MAMLD1: variants seen among roughly 807,000 people sequenced by gnomAD.
MAMLD1 encodes mastermind like domain containing 1.
In MAMLD1, 14 loss-of-function variants were observed where a neutral mutation model predicts 45.0. The ratio of observed to expected loss-of-function variants is 0.31; its 90% CI spans 0.21 to 0.49. The LOEUF is 0.49. MAMLD1 is among the 20% of genes least tolerant of loss of function. MAMLD1 has a pLI of 0.99. For missense variants in MAMLD1, 543 were observed against 603.6 expected (o/e 0.90, Z 1.05); for synonymous variants, 254 against 247.8 (o/e 1.02, Z -0.24).
At chrX:150,403,987 A>AGAAG (rs2033925189) in intron 1 of MAMLD1, among the ~76,000 whole-genome samples, 1 of 96,803 alleles carries the variant, frequency 1.0e-5, no homozygotes, top group Non-Finnish European at 2.1e-5. Context: ...AAAGAAAGAA[A>AGAAG]GAAAGAAAGA....
intron 1 of MAMLD1, among the ~76,000 whole-genome samples, chrX:150,392,311 G>A (rs1557402192): frequency 1.8e-5 from 2 of 111,691 alleles, no homozygotes; most frequent in East Asian, 5.6e-4. Context: ...GTGGAAAATG[G>A]ACTGCTGGCC....
At chrX:150,389,151 A>T (rs7877852) in intron 1 of MAMLD1, among the ~76,000 whole-genome samples, 21,360 of 109,759 alleles carry the variant, frequency 0.19, 1,583 homozygotes, top group Non-Finnish European at 0.22. Context: ...GGTTCAAGTG[A>T]TTCTCATGCT....
intron 1 of MAMLD1, among the ~76,000 whole-genome samples, chrX:150,366,046 TAG>T (rs1480926115): frequency 8.9e-6 from 1 of 111,930 alleles, no homozygotes; most frequent in Admixed American, 9.4e-5. Context: ...GTGTCTCTCA[TAG>T]AGTTTGTTCG....
chrX:150,457,612 C>T (rs782232421), intron 2 of MAMLD1, among the ~76,000 whole-genome samples: 5 of 112,403 alleles, frequency 4.4e-5, no homozygotes, highest in South Asian at 3.7e-4. Context: ...AAGTGTGGCA[C>T]GTCCACACAA....
chrX:150,376,184 C>T (rs192970194), intron 1 of MAMLD1, among the ~76,000 whole-genome samples: 78 of 112,210 alleles, frequency 7.0e-4, no homozygotes, highest in African/African-American at 2.5e-3. Flanking sequence ...GCAAGTTAAA[C>T]TCTAAGTTAC....
intron 1 of MAMLD1, among the ~76,000 whole-genome samples, chrX:150,411,545 T>C (rs1425025981): frequency 8.0e-5 from 9 of 112,285 alleles, no homozygotes; most frequent in Admixed American, 1.9e-4. Flanking sequence ...CAGCCTTTGG[T>C]ATGCACAATG....
intron 5 of MAMLD1, among the ~76,000 whole-genome samples, chrX:150,482,870 T>G (rs1183866360): frequency 1.8e-5 from 2 of 112,235 alleles, no homozygotes; most frequent in Non-Finnish European, 3.8e-5. Flanking sequence ...AACAAAGAAG[T>G]GACTGTAAAC....
intron 1 of MAMLD1, among the ~76,000 whole-genome samples, chrX:150,428,652 C>G (rs479883): frequency 0.46 from 50,584 of 111,007 alleles, 9,249 homozygotes; most frequent in East Asian, 0.77. Context: ...TTGGATTCAT[C>G]TAGAGGGAAA....
chrX:150,365,049 G>T (rs781974416), intron 1 of MAMLD1, among the ~76,000 whole-genome samples: 6 of 112,132 alleles, frequency 5.4e-5, no homozygotes, highest in Admixed American at 1.8e-4. Context: ...TGGAGGCCGC[G>T]CAGCTTCTTT....
intron 1 of MAMLD1, among the ~76,000 whole-genome samples, chrX:150,372,207 A>C (rs930853511): frequency 8.9e-6 from 1 of 112,224 alleles, no homozygotes; most frequent in Admixed American, 9.4e-5. Context: ...TAGAATCTGA[A>C]CTCGAAGTCT....
chrX:150,490,924 G>A (rs184571109), intron 5 of MAMLD1, among the ~76,000 whole-genome samples: 151 of 111,691 alleles, frequency 1.4e-3, no homozygotes, highest in African/African-American at 4.4e-3. Flanking sequence ...ACAGAGTAAA[G>A]GACAAAAAAT....
chrX:150,395,930 C>A (rs1690396519), intron 1 of MAMLD1, among the ~76,000 whole-genome samples: 1 of 108,631 alleles, frequency 9.2e-6, no homozygotes, highest in South Asian at 3.9e-4. Flanking sequence ...AATTTCTGCT[C>A]TAATTTGTAT....
intron 2 of MAMLD1, among the ~76,000 whole-genome samples, chrX:150,449,906 C>T (rs2035608014): frequency 8.9e-6 from 1 of 111,963 alleles, no homozygotes; most frequent in South Asian, 3.8e-4. Context: ...CACATTCGCT[C>T]ATTTGCTTCT....
intron 5 of MAMLD1, among the ~76,000 whole-genome samples, chrX:150,475,673 A>G (rs782704679): frequency 8.9e-6 from 1 of 112,338 alleles, no homozygotes; most frequent in Non-Finnish European, 1.9e-5. Context: ...CTGGCTACAG[A>G]TGCTGACTGA....
At position 150,470,695 on chromosome X, in the gene MAMLD1, C is replaced by G. The variant is rs1204319197; in HGVS notation, c.1122C>G (p.Thr374=). The G allele has an allele frequency of 8.3e-7, 1 of 1,210,356 alleles. No individual in the cohort carries two copies. Among genetic ancestry groups the G allele is most frequent in the African/African-American group, 1.7e-5 (1 of 57,230 alleles). The part of the protein sequence containing the change: ...SLMVSCMSSN[T]LSGSTLRGSP... ...TGGTGTCCTGCATGTCGTCCAATAC[C>G]TTGTCGGGTAGCACTCTCCGAGGCT... is the stretch of plus-strand genomic sequence containing the variant. The change falls in exon 4 of 8, where the codon ACC becomes ACG. Residue 374 remains threonine, a synonymous_variant. Transcript: ENST00000370401.
At chrX:150,371,633 G>A (rs1369236548) in intron 1 of MAMLD1, among the ~76,000 whole-genome samples, 1 of 111,897 alleles carries the variant, frequency 8.9e-6, no homozygotes, top group African/African-American at 3.3e-5. Context: ...CCAAGTTCTT[G>A]GTCCAATTGT....
intron 6 of MAMLD1, chrX:150,504,816 T>C (rs782355673): frequency 1.3e-6 from 1 of 752,338 alleles, no homozygotes; most frequent in East Asian, 1.5e-4. Context: ...ACCTTGGAAA[T>C]TGGCCCCACC....
At chrX:150,505,753 T>G in intron 6 of MAMLD1, among the ~76,000 whole-genome samples, 1 of 111,860 alleles carries the variant, frequency 8.9e-6, no homozygotes, top group East Asian at 2.8e-4. Flanking sequence ...GCTCTGAGAG[T>G]TAGGGGGAAC....
At chrX:150,405,311 A>T (rs1353659372) in intron 1 of MAMLD1, among the ~76,000 whole-genome samples, 2 of 111,335 alleles carry the variant, frequency 1.8e-5, no homozygotes, top group Non-Finnish European at 3.8e-5. Context: ...CAAGTGGTGA[A>T]GGGAAAACTG....
Sources: allele counts gnomAD v4.1 joint callset (sites outside exome capture counted in the v4.1 genomes callset), GRCh38; gene constraint gnomAD v4.1.1; transcripts MANE v1.5; gene names NCBI Gene and HGNC (gene_info 2026-07-23, HGNC 2026-07-21).